Variants in PCDHGB6 observed in about 807,000 individuals in gnomAD.
PCDHGB6 encodes protocadherin gamma subfamily B, 6.
A neutral mutation model predicts 59.1 loss-of-function variants in PCDHGB6; 51 were observed. The observed-to-expected ratio is 0.86, with a 90% CI of 0.69 to 1.09. The LOEUF is 1.09. Among genes scored for constraint, PCDHGB6 ranks in the 50% least tolerant of loss-of-function variants. The probability of loss-of-function intolerance (pLI) is 0.00; values close to 1 mark genes in which losing one functional copy is unlikely to be tolerated. For missense variants in PCDHGB6, 1,148 were observed against 1,205.1 expected (o/e 0.95, Z 0.70); for synonymous variants, 466 against 495.1 (o/e 0.94, Z 0.78).
chr5:141,460,455 A>AT (rs2098989699), intron 1 of PCDHGB6, among the ~76,000 whole-genome samples: 1 of 152,080 alleles, frequency 6.6e-6, no homozygotes, highest in Non-Finnish European at 1.5e-5. Flanking sequence ...GAAGATTCAT[A>AT]TTTTTTTCCA....
chr5:141,432,250 A>C lies in PCDHGB6; in HGVS notation c.2418+21630A>C, dbSNP rs777728825. ...ATTCCCTGGCTGAGAACACCATCCA[A>C]GGGGCAAGCCTATCGTCCTACGTGT... On this transcript the variant is annotated intron_variant, in intron 1 of 3. Coordinates refer to ENST00000520790, the MANE Select transcript of PCDHGB6 (RefSeq NM_018926.3). This position sits in a 1 kb window ranked among gnomAD's most constrained non-coding sequence, Gnocchi z 6.0. 2 of 1,614,116 alleles carry C rather than the reference A, an allele frequency of 1.2e-6. No homozygotes were observed. The highest frequency in any genetic ancestry group is 1.7e-6 in the Non-Finnish European group (2 of 1,180,062).
intron 1 of PCDHGB6, among the ~76,000 whole-genome samples, chr5:141,435,264 T>C (rs1442193276): frequency 5.3e-5 from 8 of 152,222 alleles, no homozygotes; most frequent in Non-Finnish European, 8.8e-5. Context: ...GATATGTCCA[T>C]TTATACTTTC....
At position 141,486,691 on chromosome 5, in the gene PCDHGB6, T is replaced by C. The variant is rs778748447; in HGVS notation, c.2419-8116T>C. 8 of 1,614,024 alleles carry C rather than the reference T, an allele frequency of 5.0e-6. No individual in the cohort carries two copies. The highest frequency in any genetic ancestry group is 1.3e-5 in the African/African-American group (1 of 74,922). The stretch of plus-strand genomic sequence containing the variant: ...GGAATCGAGATGTATCAGCTTCCTC[T>C]TTCATCTCTCTGAACCCCCAGACAG... On this transcript the variant is annotated intron_variant, in intron 1 of 3. Coordinates refer to ENST00000520790, the MANE Select transcript of PCDHGB6 (RefSeq NM_018926.3). The surrounding 1 kb of genome is among the most constrained non-coding windows in gnomAD (Gnocchi z 5.0).
At chr5:141,466,689 A>G (rs2099127361) in intron 1 of PCDHGB6, among the ~76,000 whole-genome samples, 1 of 152,220 alleles carries the variant, frequency 6.6e-6, no homozygotes, top group Admixed American at 6.5e-5. Context: ...CTCAAGCTTC[A>G]TCATAAATTT....
chr5:141,417,821 A>G (rs769813917), intron 1 of PCDHGB6: 1 of 1,514,942 alleles, frequency 6.6e-7, no homozygotes, highest in African/African-American at 1.4e-5. Flanking sequence ...ACTTTCTCCA[A>G]CTGGAAAAGC....
chr5:141,410,645 A>G (rs755117096), intron 1 of PCDHGB6, 25 bp downstream of exon 1: 11 of 1,597,402 alleles, frequency 6.9e-6, no homozygotes, highest in Non-Finnish European at 9.3e-6. Flanking sequence ...TTTGTGTGTG[A>G]TTTATCTAAT....
chr5:141,418,389 A>G (rs768078575), intron 1 of PCDHGB6: 1 of 1,613,996 alleles, frequency 6.2e-7, no homozygotes, highest in South Asian at 1.1e-5. Context: ...CCTAACGAGT[A>G]TTTCTCATTG....
Position 141,486,219 on chromosome 5 carries a change from A to G in PCDHGB6, c.2419-8588A>G. 1 of 1,614,134 alleles carries G rather than the reference A, an allele frequency of 6.2e-7. No individual in the cohort carries two copies. Among genetic ancestry groups the G allele is most frequent in the African/African-American group, 1.3e-5 (1 of 75,042 alleles). ...CTGGACGTAAATGACAATGCCCCTT[A>G]CATCACAGTGACCTCAGAGCTTGGA... On this transcript the variant is annotated intron_variant, in intron 1 of 3. Transcript: ENST00000520790. This position sits in a 1 kb window ranked among gnomAD's most constrained non-coding sequence, Gnocchi z 5.0.
intron 2 of PCDHGB6, among the ~76,000 whole-genome samples, chr5:141,505,119 G>A (rs371973470): frequency 3.1e-4 from 47 of 152,210 alleles, no homozygotes; most frequent in African/African-American, 1.0e-3. Flanking sequence ...CCAAGATCGC[G>A]CCACTGCACT....
intron 1 of PCDHGB6, chr5:141,415,899 G>A (rs1224954481): frequency 1.2e-6 from 1 of 869,552 alleles, no homozygotes; most frequent in Non-Finnish European, 1.6e-6. Flanking sequence ...TCCTAAGACA[G>A]ACTTCCATAC....
At chr5:141,494,644 G>A in intron 1 of PCDHGB6, 163 bp from the exon 2 acceptor site, 1 of 933,684 alleles carries the variant, frequency 1.1e-6, no homozygotes. Flanking sequence ...TGAGACCTGA[G>A]GTGTATTTTG....
intron 1 of PCDHGB6, chr5:141,428,390 C>T (rs1043799152): frequency 8.0e-5 from 40 of 502,004 alleles, no homozygotes; most frequent in African/African-American, 6.6e-4. Context: ...TCTTCCAGCC[C>T]CTCTGCCTGG....
Position 141,422,964 on chromosome 5 carries a change from G to C in PCDHGB6, c.2418+12344G>C, listed in dbSNP as rs375881737. 1.0e-4 allele frequency: 161 copies of C among 1,614,190 alleles called. No individual in the cohort carries two copies. In the African/African-American group the frequency reaches 1.9e-3, roughly 20 times the overall value. ...ACGGCTCCACTGGCGTGGAGCTGGC[G>C]CCCCGCTCTGCGGAACCTGGCTACC... On this transcript the variant is annotated intron_variant, in intron 1 of 3. Coordinates refer to ENST00000520790, the MANE Select transcript of PCDHGB6 (RefSeq NM_018926.3).
chr5:141,471,568 A>G (rs947450908), intron 1 of PCDHGB6: 3 of 152,214 alleles, frequency 2.0e-5, no homozygotes, highest in Non-Finnish European at 2.9e-5. Context: ...CAGGGGTAGC[A>G]GTAGATAGGG....
chr5:141,467,055 CTTTT>C (rs1193465269), intron 1 of PCDHGB6, among the ~76,000 whole-genome samples: 5 of 134,484 alleles, frequency 3.7e-5, no homozygotes, highest in Non-Finnish European at 4.9e-5. Context: ...TCAATGTTTT[CTTTT>C]TTTTTTTTTT....
In PCDHGB6 at chr5:141,432,143, C is replaced by G; in HGVS notation, c.2418+21523C>G. 2 of 1,614,084 alleles carry G rather than the reference C, an allele frequency of 1.2e-6. No homozygotes were observed. Among genetic ancestry groups the G allele is most frequent in the Non-Finnish European group, 1.7e-6 (2 of 1,180,006 alleles). Reference sequence around the variant, plus strand: ...TCAGGCCTCCTATTCCGCTTATATCCCAGAGAACAATCCCAGAGGAGTTTC... The same window carrying G: ...TCAGGCCTCCTATTCCGCTTATATCGCAGAGAACAATCCCAGAGGAGTTTC... On this transcript the variant is annotated intron_variant, in intron 1 of 3. Coordinates refer to ENST00000520790, the MANE Select transcript of PCDHGB6 (RefSeq NM_018926.3). This position sits in a 1 kb window ranked among gnomAD's most constrained non-coding sequence, Gnocchi z 6.0.
At chr5:141,447,149 T>C (rs2098528211) in intron 1 of PCDHGB6, among the ~76,000 whole-genome samples, 1 of 152,212 alleles carries the variant, frequency 6.6e-6, no homozygotes, top group African/African-American at 2.4e-5. Flanking sequence ...TTTGTTTTTG[T>C]TTTTGTTTAA....
intron 2 of PCDHGB6, among the ~76,000 whole-genome samples, chr5:141,504,118 G>A (rs948008198): frequency 6.6e-6 from 1 of 152,096 alleles, no homozygotes; most frequent in African/African-American, 2.4e-5. Flanking sequence ...GTGTGCCAGG[G>A]CTGTTTCCCG....
At chr5:141,497,848 T>C (rs2099779951) in intron 2 of PCDHGB6, among the ~76,000 whole-genome samples, 1 of 152,178 alleles carries the variant, frequency 6.6e-6, no homozygotes, top group South Asian at 2.1e-4. Flanking sequence ...AACAAACATT[T>C]TTGATTCAGC....
Sources: gnomAD v4.1 joint callset for allele counts (sites outside exome capture counted in the v4.1 genomes callset) on GRCh38, gnomAD v4.1.1 for gene constraint, Gnocchi (gnomAD v3.1) non-coding constraint, MANE v1.5 for transcripts, NCBI Gene and HGNC (gene_info 2026-07-23, HGNC 2026-07-21) for gene names.